KCNK3: variants seen among roughly 807,000 people sequenced by gnomAD.
The protein encoded by KCNK3 is potassium channel subfamily K member 3.
Under a neutral mutation model 27.3 loss-of-function variants are expected in KCNK3, and 9 were observed. The ratio of observed to expected loss-of-function variants is 0.33; its 90% confidence interval spans 0.20 to 0.57. The LOEUF (loss-of-function observed/expected upper bound fraction) is 0.57. Ranked by LOEUF, KCNK3 falls within the 20% of genes least tolerant of loss-of-function variation. The pLI, the probability that KCNK3 is intolerant of heterozygous loss-of-function variation, is 0.87. For synonymous variants in KCNK3, 278 were observed against 273.8 expected, an observed-to-expected ratio of 1.02 and a Z score of -0.15; for missense variants, 391 against 577.7, an observed-to-expected ratio of 0.68 and a Z score of 3.31.
chr2:26,711,035 G>A (rs542429004), intron 1 of KCNK3, among the ~76,000 whole-genome samples: 5 of 152,256 alleles, frequency 3.3e-5, no homozygotes, highest in South Asian at 2.1e-4. Context: ...TCACGGTCCC[G>A]CCCTGAGTGC....
At chr2:26,704,935 A>G (rs1202044640) in intron 1 of KCNK3, among the ~76,000 whole-genome samples, 1 of 151,774 alleles carries the variant, frequency 6.6e-6, no homozygotes, top group Non-Finnish European at 1.5e-5. Flanking sequence ...TCCAATCCTC[A>G]TGGCTGCCCT....
At chr2:26,726,971 T>A (rs982928721) in intron 1 of KCNK3, among the ~76,000 whole-genome samples, 3 of 152,158 alleles carry the variant, frequency 2.0e-5, no homozygotes, top group Non-Finnish European at 4.4e-5. Flanking sequence ...GGAACACTCA[T>A]TCATCCTGCT....
intron 1 of KCNK3, among the ~76,000 whole-genome samples, chr2:26,703,100 A>G (rs950993316): frequency 3.9e-5 from 6 of 152,144 alleles, no homozygotes; most frequent in Non-Finnish European, 8.8e-5. Context: ...TGGGTGACAG[A>G]GTGAGACTCT....
chr2:26,718,036 C>T (rs1663263078), intron 1 of KCNK3, among the ~76,000 whole-genome samples: 1 of 152,078 alleles, frequency 6.6e-6, no homozygotes, highest in African/African-American at 2.4e-5. Flanking sequence ...CATCCACTCT[C>T]CTCCCCTCGC....
chr2:26,721,486 G>T lies in KCNK3; in HGVS notation c.284-6181G>T, dbSNP rs1663327464. Among the ~76,000 whole-genome samples, 1 of 152,156 alleles carries T rather than the reference G, an allele frequency of 6.6e-6. No individual in the cohort carries two copies. Reference sequence around the variant, plus strand: ...TGCCAATTAGGCTCCCTCAGAGCCTGCAGTCCCACTTCCTGGTTCCACACT... The same window carrying T: ...TGCCAATTAGGCTCCCTCAGAGCCTTCAGTCCCACTTCCTGGTTCCACACT... On this transcript the variant is annotated intron_variant, in intron 1 of 1. Coordinates refer to ENST00000302909, the MANE Select transcript of KCNK3 (RefSeq NM_002246.3). This position sits in a 1 kb window ranked among gnomAD's most constrained non-coding sequence, Gnocchi z 4.3.
rs1263024564 is a variant in KCNK3, at chr2:26,693,240, G to A, written c.283+82G>A. ...GTCGTCCGGGGCCGGCTGGGGCTGG[G>A]GGCGGGGGCTCCCCCGAGAGGGGCT... On this transcript the variant is annotated intron_variant, in intron 1 of 1. Coordinates refer to ENST00000302909, the MANE Select transcript of KCNK3 (RefSeq NM_002246.3). The surrounding 1 kb of genome is among the most constrained non-coding windows in gnomAD (Gnocchi z 5.5). 1.7e-6 allele frequency: 2 copies of A among 1,191,864 alleles called. No individual in the cohort carries two copies. The highest frequency in any genetic ancestry group is 1.6e-5 in the African/African-American group (1 of 61,200). 73.8% of individuals were successfully genotyped at this position (1,191,864 alleles called of 1,614,324 possible). A position where few individuals can be genotyped will look rare whatever the true frequency, so the allele number is the denominator to read the frequency against.
At chr2:26,724,920 G>C (rs1663386434) in intron 1 of KCNK3, among the ~76,000 whole-genome samples, 1 of 152,086 alleles carries the variant, frequency 6.6e-6, no homozygotes, top group Non-Finnish European at 1.5e-5. Flanking sequence ...GCTGGGTGTG[G>C]GCTAAGGACG....
chr2:26,707,457 G>C (rs910586662), intron 1 of KCNK3, among the ~76,000 whole-genome samples: 3 of 152,214 alleles, frequency 2.0e-5, no homozygotes, highest in African/African-American at 4.8e-5. Context: ...AGGCTGCCAG[G>C]GTACCGGGAG....
intron 1 of KCNK3, among the ~76,000 whole-genome samples, chr2:26,698,370 C>T (rs1369035881): frequency 6.6e-6 from 1 of 152,212 alleles, no homozygotes; most frequent in Non-Finnish European, 1.5e-5. Flanking sequence ...TCAATCCACC[C>T]TATCCCCATT....
In KCNK3 at chr2:26,731,997, G is replaced by A. The variant is rs960444092; in HGVS notation, c.*3429G>A. ...GGCCCCCTGGCTGAGTGGCCTGATT[G>A]ACTAAAACATATGTCTTTGAAGGAG... On this transcript the variant is annotated 3_prime_UTR_variant, in exon 2 of 2. Coordinates refer to ENST00000302909, the MANE Select transcript of KCNK3 (RefSeq NM_002246.3). The A allele has an allele frequency of 6.6e-6, 1 of 152,202 alleles. No individual in the cohort carries two copies. The highest frequency in any genetic ancestry group is 2.4e-5 in the African/African-American group (1 of 41,444). 9.4% of individuals were successfully genotyped at this position (152,202 alleles called of 1,614,324 possible).
chr2:26,725,996 T>A (rs1389599047), intron 1 of KCNK3, among the ~76,000 whole-genome samples: 1 of 152,084 alleles, frequency 6.6e-6, no homozygotes, highest in Non-Finnish European at 1.5e-5. Flanking sequence ...ATGATCTTAC[T>A]TATTCCTCCC....
chr2:26,716,874 A>G (rs907457911), intron 1 of KCNK3, among the ~76,000 whole-genome samples: 17 of 152,350 alleles, frequency 1.1e-4, no homozygotes, highest in African/African-American at 4.1e-4. Flanking sequence ...GCGTGGCTTA[A>G]CAAACACCCT....
chr2:26,694,913 C>T (rs373419772), intron 1 of KCNK3, among the ~76,000 whole-genome samples: 46 of 152,294 alleles, frequency 3.0e-4, no homozygotes, highest in African/African-American at 1.1e-3. Context: ...AACCTCCCAA[C>T]TGACCTCCCT....
At chr2:26,710,612 G>A (rs1663093752) in intron 1 of KCNK3, among the ~76,000 whole-genome samples, 2 of 152,248 alleles carry the variant, frequency 1.3e-5, no homozygotes, top group African/African-American at 4.8e-5. Flanking sequence ...AGGAGATGGG[G>A]GCCTGTCCAG....
chr2:26,724,628 AC>A, intron 1 of KCNK3: 1 of 984,972 alleles, frequency 1.0e-6, no homozygotes, highest in Non-Finnish European at 1.2e-6. Context: ...GGGGCATGTG[AC>A]CCCAAAGAGG....
chr2:26,706,734 C>A (rs1400877729), intron 1 of KCNK3, among the ~76,000 whole-genome samples: 2 of 152,140 alleles, frequency 1.3e-5, no homozygotes, highest in South Asian at 2.1e-4. Flanking sequence ...GCCCTGCTGT[C>A]CCCTGCCTGC....
intron 1 of KCNK3, among the ~76,000 whole-genome samples, chr2:26,694,009 C>A (rs556450722): frequency 1.3e-5 from 2 of 152,122 alleles, no homozygotes; most frequent in East Asian, 3.9e-4. Flanking sequence ...AGAGAGAGAA[C>A]AAACGTTGCC....
At chr2:26,696,558 G>A (rs972331314) in intron 1 of KCNK3, among the ~76,000 whole-genome samples, 6 of 152,186 alleles carry the variant, frequency 3.9e-5, no homozygotes, top group Admixed American at 2.0e-4. Context: ...GTTAGTCACC[G>A]TCTCCACTGG....
At chr2:26,694,899 T>C (rs1289888037) in intron 1 of KCNK3, among the ~76,000 whole-genome samples, 2 of 152,080 alleles carry the variant, frequency 1.3e-5, no homozygotes, top group South Asian at 4.1e-4. Flanking sequence ...CCCAGCTTCA[T>C]AGTAACCTCC....
Sources: gnomAD v4.1 joint callset for allele counts (sites outside exome capture counted in the v4.1 genomes callset) on GRCh38, gnomAD v4.1.1 for gene constraint, Gnocchi (gnomAD v3.1) non-coding constraint, MANE v1.5 for transcripts, NCBI Gene and HGNC (gene_info 2026-07-23, HGNC 2026-07-21) for gene names.